CD96: variants seen among roughly 807,000 people sequenced by gnomAD.
CD96 encodes the protein T-cell surface protein tactile.
CD96 carries 70 observed loss-of-function variants against 71.3 expected under a neutral mutation model. The ratio of observed to expected loss-of-function variants is 0.98; its 90% CI spans 0.81 to 1.20. The LOEUF is 1.20. Among genes scored for constraint, CD96 ranks in the 50% most tolerant of loss-of-function variants. The pLI, the probability that CD96 is intolerant of heterozygous loss-of-function variation, is 0.00. For missense variants in CD96, 742 were observed against 677.5 expected (o/e 1.10, Z -1.06); for synonymous variants, 248 against 233.0 (o/e 1.06, Z -0.59).
chr3:111,590,832 A>C (rs9836430), intron 5 of CD96, among the ~76,000 whole-genome samples: 14,572 of 152,206 alleles, frequency 0.096, 1,062 homozygotes, highest in African/African-American at 0.19. Context: ...AAAGCTCCAG[A>C]GTGTACTCAG....
chr3:111,664,461 G>C (rs1303901528), intron 14 of CD96, among the ~76,000 whole-genome samples: 1 of 152,104 alleles, frequency 6.6e-6, no homozygotes, highest in East Asian at 1.9e-4. Context: ...TAAACATTTA[G>C]CACATCTGGA....
intron 12 of CD96, among the ~76,000 whole-genome samples, chr3:111,639,497 G>A (rs1939494507): frequency 6.6e-6 from 1 of 152,168 alleles, no homozygotes; most frequent in Non-Finnish European, 1.5e-5. Flanking sequence ...AAGAATCTGA[G>A]CTCAGACATG....
At position 111,544,881 on chromosome 3, in the gene CD96, T is replaced by C. The variant is rs192727430; in HGVS notation, c.62-165T>C. 4.2e-3 allele frequency among the ~76,000 whole-genome samples: 643 copies of C among 152,364 alleles called. 21 individuals are homozygous for C. Among genetic ancestry groups the C allele is most frequent in the Admixed American group, 0.04 (610 of 15,310 alleles). ...ATGCCTCCTCATTTATATTGTCTCATGCATCTCTATCTGAGTGAGACACAA... is the reference window on the plus strand; with the variant it reads ...ATGCCTCCTCATTTATATTGTCTCACGCATCTCTATCTGAGTGAGACACAA... On this transcript the variant is annotated intron_variant, in intron 1 of 13. Transcript: ENST00000352690.
intron 7 of CD96, among the ~76,000 whole-genome samples, 180 bp from the exon 8 acceptor site, chr3:111,606,520 G>A (rs1937629175): frequency 6.6e-6 from 1 of 152,106 alleles, no homozygotes. Flanking sequence ...GCCCTTTAAG[G>A]ACGATCCCAT....
chr3:111,604,835 C>T (rs889121387), intron 7 of CD96, among the ~76,000 whole-genome samples: 2 of 152,160 alleles, frequency 1.3e-5, no homozygotes, highest in African/African-American at 4.8e-5. Flanking sequence ...AATTACTCAA[C>T]TCTGTCACCT....
At chr3:111,639,788 AT>A (rs1181773414) in intron 12 of CD96, among the ~76,000 whole-genome samples, 1 of 152,146 alleles carries the variant, frequency 6.6e-6, no homozygotes, top group Non-Finnish European at 1.5e-5. Context: ...AGACCCATAG[AT>A]GGTTCATATC....
chr3:111,597,798 T>C (rs1280595425), intron 5 of CD96, among the ~76,000 whole-genome samples: 1 of 152,198 alleles, frequency 6.6e-6, no homozygotes, highest in East Asian at 1.9e-4. Context: ...GGTTTCCATT[T>C]AGTATTATTT....
downstream of CD96, among the ~76,000 whole-genome samples, chr3:111,654,133 C>G (rs1488552088): frequency 6.6e-6 from 1 of 152,172 alleles, no homozygotes; most frequent in East Asian, 1.9e-4. Context: ...AAACTTTGTT[C>G]TCTCTGAGAC....
Position 111,593,841 on chromosome 3 carries a change from G to A in CD96, c.808-4279G>A, listed in dbSNP as rs139937578. On this transcript the variant is annotated intron_variant, in intron 5 of 13. Transcript: ENST00000352690. ...GGCCCGTGGGGCCTTGGATCCTGGC[G>A]CTGCCCAGCCTGACCATGGCCACTC... The A allele has an allele frequency of 6.1e-5, 99 of 1,613,852 alleles. No individual in the cohort carries two copies. The highest frequency in any genetic ancestry group is 1.2e-4 in the South Asian group (11 of 91,090).
At chr3:111,570,922 C>G in intron 3 of CD96, 2 of 1,579,930 alleles carry the variant, frequency 1.3e-6, no homozygotes, top group South Asian at 2.2e-5. Context: ...GTGCATGAGG[C>G]GCCAGCGTCA....
chr3:111,606,666 T>G (rs771533490), intron 7 of CD96, 34 bp from the exon 8 acceptor site: 1 of 993,120 alleles, frequency 1.0e-6, no homozygotes, highest in Non-Finnish European at 1.6e-6. Context: ...TTACAATATT[T>G]TGTTCATTAT....
intron 8 of CD96, among the ~76,000 whole-genome samples, chr3:111,610,248 TA>T (rs1406031738): frequency 1.3e-5 from 2 of 152,254 alleles, no homozygotes; most frequent in Non-Finnish European, 2.9e-5. Flanking sequence ...ATCACTGAAT[TA>T]CTATTGAAAA....
chr3:111,629,714 A>C (rs2107730501), intron 10 of CD96, among the ~76,000 whole-genome samples: 1 of 152,328 alleles, frequency 6.6e-6, no homozygotes, highest in East Asian at 1.9e-4. Flanking sequence ...GAATATATAC[A>C]TTCTTCTCAT....
At chr3:111,606,873 A>G (rs945274101) in intron 8 of CD96, 81 bp downstream of exon 8, 17 of 866,556 alleles carry the variant, frequency 2.0e-5, no homozygotes, top group Non-Finnish European at 3.2e-5. Flanking sequence ...TGCATCATTC[A>G]TGCCTGTTTC....
chr3:111,649,869 T>G lies in CD96; in HGVS notation c.*63T>G. The G allele has an allele frequency of 9.5e-7, 1 of 1,055,824 alleles. No homozygotes were observed. The highest frequency in any genetic ancestry group is 1.7e-5 in the Admixed American group (1 of 59,194). 65.4% of individuals were successfully genotyped at this position (1,055,824 alleles called of 1,614,324 possible). ...AATCCTATTGAGAAGGTAGACATTG[T>G]GCTTTATTAATATAGTCGCTCTTCA... is the stretch of plus-strand genomic sequence containing the variant. On this transcript the variant is annotated 3_prime_UTR_variant, in exon 14 of 14. Transcript: ENST00000352690.
intron 12 of CD96, among the ~76,000 whole-genome samples, chr3:111,639,498 C>T (rs1939494660): frequency 6.6e-6 from 1 of 152,190 alleles, no homozygotes; most frequent in African/African-American, 2.4e-5. Context: ...AGAATCTGAG[C>T]TCAGACATGC....
rs138179903 is a variant in CD96 at position 111,588,378 on chromosome 3, G to A, written c.807+3000G>A. 4.7e-3 allele frequency among the ~76,000 whole-genome samples: 720 copies of A among 152,192 alleles called. 6 individuals are homozygous for A. Among genetic ancestry groups the A allele is most frequent in the African/African-American group, 0.017 (696 of 41,514 alleles). ...CCTCATCTCCATCTGAGACAACCTC[G>A]GCCTGGACCTTATTGTTCATATTAC... On this transcript the variant is annotated intron_variant, in intron 5 of 13. Coordinates refer to ENST00000352690, the MANE Select transcript of CD96 (RefSeq NM_005816.5).
At chr3:111,578,836 T>C (rs1358344067) in intron 3 of CD96, among the ~76,000 whole-genome samples, 191 bp from the exon 4 acceptor site, 3 of 152,188 alleles carry the variant, frequency 2.0e-5, no homozygotes, top group Admixed American at 6.5e-5. Context: ...TAGGAGAGGG[T>C]AACAATAGTT....
At chr3:111,621,926 A>G (rs1046858647) in intron 8 of CD96, among the ~76,000 whole-genome samples, 2 of 152,250 alleles carry the variant, frequency 1.3e-5, no homozygotes, top group African/African-American at 2.4e-5. Flanking sequence ...TGCTTTAGGT[A>G]GTCAATCTTG....
Sources: gnomAD v4.1 joint callset for allele counts (sites outside exome capture counted in the v4.1 genomes callset) on GRCh38, gnomAD v4.1.1 for gene constraint, MANE v1.5 for transcripts, NCBI Gene and HGNC (gene_info 2026-07-23, HGNC 2026-07-21) for gene names.